PRIM2: variants seen among roughly 807,000 people sequenced by gnomAD.
The protein encoded by PRIM2 is DNA primase large subunit.
Under a neutral mutation model 67.3 loss-of-function variants are expected in PRIM2, and 39 were observed. The observed-to-expected ratio is 0.58, with a 90% CI of 0.45 to 0.76. The LOEUF (loss-of-function observed/expected upper bound fraction) is 0.76, where lower values mean the gene tolerates loss of function less well. Among genes scored for constraint, PRIM2 ranks in the 30% least tolerant of loss-of-function variants. PRIM2 has a pLI of 0.00. For synonymous variants in PRIM2, 143 were observed against 198.7 expected, an observed-to-expected ratio of 0.72 and a Z score of 2.36; for missense variants, 398 against 598.7, an observed-to-expected ratio of 0.66 and a Z score of 3.50.
At chr6:57,359,579 T>C (rs2127310339) in intron 5 of PRIM2, among the ~76,000 whole-genome samples, 1 of 152,320 alleles carries the variant, frequency 6.6e-6, no homozygotes, top group Middle Eastern at 3.4e-3. Flanking sequence ...TTTGGGATAG[T>C]TTGTTATACA....
rs564088709 is a variant in PRIM2 at position 57,402,164 on chromosome 6, C to G, written c.693+19996C>G. 2.6e-5 allele frequency among the ~76,000 whole-genome samples: 4 copies of G among 152,326 alleles called. No individual in the cohort carries two copies. In the South Asian group the frequency reaches 8.3e-4, roughly 32 times the overall value. ...GTATCCTGGGGGCCCACTCCAGTCCCTAGTCACCTTGGATTTTCCAGTACC... is the reference window on the plus strand; with the variant it reads ...GTATCCTGGGGGCCCACTCCAGTCCGTAGTCACCTTGGATTTTCCAGTACC... On this transcript the variant is annotated intron_variant, in intron 7 of 13. Transcript: ENST00000615550.
intron 10 of PRIM2, among the ~76,000 whole-genome samples, chr6:57,572,367 G>A (rs1184201770): frequency 6.6e-6 from 1 of 152,152 alleles, no homozygotes; most frequent in Non-Finnish European, 1.5e-5. Context: ...ATGGGTTTTA[G>A]TGCATTTTTT....
chr6:57,538,469 A>G (rs1775045196), intron 10 of PRIM2, among the ~76,000 whole-genome samples: 1 of 152,218 alleles, frequency 6.6e-6, no homozygotes, highest in Non-Finnish European at 1.5e-5. Flanking sequence ...ACTTGGAAAT[A>G]TGATTTCTTG....
intron 5 of PRIM2, among the ~76,000 whole-genome samples, chr6:57,340,542 T>G (rs902723585): frequency 6.6e-6 from 1 of 152,184 alleles, no homozygotes; most frequent in African/African-American, 2.4e-5. Flanking sequence ...AATGATGAGT[T>G]CATGTCCTTT....
At chr6:57,641,871 C>A (rs1198226994) in intron 13 of PRIM2, among the ~76,000 whole-genome samples, 1 of 152,172 alleles carries the variant, frequency 6.6e-6, no homozygotes, top group African/African-American at 2.4e-5. Flanking sequence ...ACCCAGCAAT[C>A]CCATTACTGG....
At chr6:57,553,762 G>A (rs1333269303) in intron 10 of PRIM2, among the ~76,000 whole-genome samples, 74 of 152,266 alleles carry the variant, frequency 4.9e-4, no homozygotes, top group African/African-American at 1.8e-3. Context: ...AGTTTCAAGG[G>A]TGTCATAGTA....
At position 57,455,402 on chromosome 6, in the gene PRIM2, T is replaced by G. The variant is rs1364071194; in HGVS notation, c.694-51985T>G. ...ACAGTGGGGTGTTAAAGTCTCCCAT[T>G]ATTATTGTGTGGTAGTCTAAGTCTC... On this transcript the variant is annotated intron_variant, in intron 7 of 13. Transcript: ENST00000615550. Among the ~76,000 whole-genome samples the G allele has an allele frequency of 1.8e-3, 267 of 152,296 alleles. 3 individuals are homozygous for G. The highest frequency in any genetic ancestry group is 4.9e-3 in the Admixed American group (75 of 15,306).
chr6:57,377,439 T>G (rs1769805951), intron 5 of PRIM2, among the ~76,000 whole-genome samples: 1 of 152,092 alleles, frequency 6.6e-6, no homozygotes, highest in African/African-American at 2.4e-5. Context: ...ATGTGTGGAC[T>G]ATATTGAAGC....
intron 7 of PRIM2, among the ~76,000 whole-genome samples, chr6:57,504,050 G>C (rs1473586762): frequency 6.6e-6 from 1 of 152,202 alleles, no homozygotes; most frequent in African/African-American, 2.4e-5. Context: ...GAAGTGCTCT[G>C]AGATTAGGTG....
At chr6:57,478,443 T>C (rs2127404723) in intron 7 of PRIM2, among the ~76,000 whole-genome samples, 1 of 151,816 alleles carries the variant, frequency 6.6e-6, no homozygotes, top group South Asian at 2.1e-4. Context: ...TGTGCTCAAG[T>C]CTTCCTCCTG....
intron 10 of PRIM2, among the ~76,000 whole-genome samples, chr6:57,596,344 G>C (rs1319990591): frequency 6.6e-6 from 1 of 152,004 alleles, no homozygotes; most frequent in Non-Finnish European, 1.5e-5. Context: ...AGCATTAAAG[G>C]ACATGAAAGA....
chr6:57,537,853 T>C (rs1775031511), intron 10 of PRIM2, among the ~76,000 whole-genome samples: 1 of 152,194 alleles, frequency 6.6e-6, no homozygotes, highest in African/African-American at 2.4e-5. Context: ...CAGTAGTAAT[T>C]ATAAGACTGA....
At chr6:57,605,313 C>A (rs1377189451) in intron 11 of PRIM2, among the ~76,000 whole-genome samples, 1 of 152,074 alleles carries the variant, frequency 6.6e-6, no homozygotes, top group Non-Finnish European at 1.5e-5. Flanking sequence ...GGGAGTCCCC[C>A]CTCCTCAGTT....
At chr6:57,351,550 G>C (rs1768856804) in intron 5 of PRIM2, among the ~76,000 whole-genome samples, 1 of 152,166 alleles carries the variant, frequency 6.6e-6, no homozygotes, top group Non-Finnish European at 1.5e-5. Context: ...ATAGCCTAAA[G>C]ACTTGATGGC....
chr6:57,608,926 T>C (rs1285772276), intron 12 of PRIM2, among the ~76,000 whole-genome samples: 2 of 152,302 alleles, frequency 1.3e-5, no homozygotes, highest in East Asian at 3.9e-4. Context: ...CTTTCCTTTA[T>C]ACCATGACTC....
intron 2 of PRIM2, among the ~76,000 whole-genome samples, chr6:57,320,036 G>A (rs564018714): frequency 1.4e-4 from 21 of 152,244 alleles, no homozygotes; most frequent in South Asian, 2.1e-4. Flanking sequence ...CTCTGTCCTC[G>A]GCTTCATCAG....
chr6:57,506,898 T>C (rs1774262249), intron 7 of PRIM2, among the ~76,000 whole-genome samples: 1 of 152,112 alleles, frequency 6.6e-6, no homozygotes. Context: ...TGGTTCCTTA[T>C]AGTCATGTGG....
the PRIM2 span, among the ~76,000 whole-genome samples, chr6:57,225,105 A>G: frequency 6.6e-6 from 1 of 152,106 alleles, no homozygotes; most frequent in African/African-American, 2.4e-5. Context: ...CCTTTGTCTT[A>G]TCACTTCTCC....
intron 12 of PRIM2, among the ~76,000 whole-genome samples, chr6:57,623,490 C>CATTTATAGAAATATAT (rs1776894314): frequency 1.3e-5 from 2 of 152,130 alleles, no homozygotes; most frequent in East Asian, 3.8e-4. Context: ...TATATAGTTA[C>CATTTATAGAAATATAT]ACATCTTTCT....
Sources: gnomAD v4.1 joint callset for allele counts (sites outside exome capture counted in the v4.1 genomes callset) on GRCh38, gnomAD v4.1.1 for gene constraint, MANE v1.5 for transcripts, NCBI Gene and HGNC (gene_info 2026-07-23, HGNC 2026-07-21) for gene names.